Variants in GUCY1A2 observed in about 807,000 individuals in gnomAD.
GUCY1A2 encodes guanylate cyclase soluble subunit alpha-2.
Under a neutral mutation model 63.5 loss-of-function variants are expected in GUCY1A2, and 27 were observed. The observed-to-expected ratio is 0.43, with a 90% confidence interval of 0.31 to 0.59. The LOEUF (loss-of-function observed/expected upper bound fraction) is 0.59. Among genes scored for constraint, GUCY1A2 ranks in the 20% least tolerant of loss-of-function variants. The pLI is 0.11. For synonymous variants in GUCY1A2, 364 were observed against 343.5 expected (o/e 1.06, Z -0.66); for missense variants, 768 against 913.3 (o/e 0.84, Z 2.05).
At chr11:106,909,355 C>CTGTGTGTGTGTGTGTGTGTGTGTG (rs59067320) in intron 4 of GUCY1A2, among the ~76,000 whole-genome samples, 2,082 of 119,926 alleles carry the variant, frequency 0.017, 74 homozygotes, top group South Asian at 0.023. Context: ...TGGTACTCAT[C>CTGTGTGTGTGTGTGTGTGTGTGTG]TGTGTGTGTG....
At chr11:106,902,141 T>C (rs539603077) in intron 4 of GUCY1A2, among the ~76,000 whole-genome samples, 1 of 152,314 alleles carries the variant, frequency 6.6e-6, no homozygotes, top group South Asian at 2.1e-4. Context: ...ACAACATTTA[T>C]CTCCTTGTAC....
At chr11:106,717,282 T>C (rs1863232778) in intron 6 of GUCY1A2, among the ~76,000 whole-genome samples, 1 of 152,178 alleles carries the variant, frequency 6.6e-6, no homozygotes, top group Non-Finnish European at 1.5e-5. Context: ...AATACTTTCT[T>C]AGGTGGGCTG....
At chr11:106,959,765 G>A (rs561607426) in intron 3 of GUCY1A2, among the ~76,000 whole-genome samples, 2 of 152,312 alleles carry the variant, frequency 1.3e-5, no homozygotes, top group Admixed American at 1.3e-4. Context: ...TTTTCCCTCT[G>A]CCCCATCTAC....
intron 3 of GUCY1A2, among the ~76,000 whole-genome samples, chr11:106,960,438 C>T (rs1181133025): frequency 1.3e-5 from 2 of 151,960 alleles, no homozygotes; most frequent in Non-Finnish European, 2.9e-5. Context: ...CCTGAGAAGC[C>T]CAAAATAAAA....
chr11:106,951,208 G>A (rs971305983), intron 3 of GUCY1A2, among the ~76,000 whole-genome samples: 3 of 152,148 alleles, frequency 2.0e-5, no homozygotes, highest in Non-Finnish European at 2.9e-5. Flanking sequence ...ACATACATGT[G>A]CATGTGTCTT....
chr11:106,717,836 T>C, intron 6 of GUCY1A2, among the ~76,000 whole-genome samples: 1 of 152,218 alleles, frequency 6.6e-6, no homozygotes, highest in Admixed American at 6.5e-5. Flanking sequence ...AAGTAAAATT[T>C]CTTTTTACAT....
At chr11:106,728,257 C>A (rs1339115659) in intron 6 of GUCY1A2, among the ~76,000 whole-genome samples, 2 of 152,158 alleles carry the variant, frequency 1.3e-5, no homozygotes, top group Non-Finnish European at 2.9e-5. Context: ...TCGTGTCATA[C>A]AACTTCTCAG....
chr11:106,886,788 T>C (rs997048442), intron 4 of GUCY1A2, among the ~76,000 whole-genome samples: 2 of 152,156 alleles, frequency 1.3e-5, no homozygotes, highest in Non-Finnish European at 2.9e-5. Flanking sequence ...GTCAAAAAGA[T>C]AGTCACCAGA....
At chr11:106,919,404 G>A (rs574138803) in intron 4 of GUCY1A2, among the ~76,000 whole-genome samples, 5 of 152,172 alleles carry the variant, frequency 3.3e-5, no homozygotes, top group South Asian at 4.1e-4. Flanking sequence ...AAGGTATCTT[G>A]GTGAGGTGAT....
intron 6 of GUCY1A2, among the ~76,000 whole-genome samples, chr11:106,727,334 G>A (rs1248139521): frequency 6.6e-6 from 1 of 152,182 alleles, no homozygotes; most frequent in Non-Finnish European, 1.5e-5. Flanking sequence ...CTGTCCTGTG[G>A]GATGCAGCCC....
intron 4 of GUCY1A2, among the ~76,000 whole-genome samples, chr11:106,842,770 T>A (rs1351672780): frequency 6.6e-6 from 1 of 151,844 alleles, no homozygotes; most frequent in African/African-American, 2.4e-5. Flanking sequence ...CCTGTTAGAA[T>A]GTAGATTTTG....
At chr11:106,717,059 T>C (rs1398073468) in intron 6 of GUCY1A2, among the ~76,000 whole-genome samples, 1 of 152,180 alleles carries the variant, frequency 6.6e-6, no homozygotes, top group Admixed American at 6.5e-5. Flanking sequence ...TTTGCAGCTA[T>C]ATCTAGCCTC....
intron 3 of GUCY1A2, among the ~76,000 whole-genome samples, chr11:106,959,766 C>T (rs1861036397): frequency 6.6e-6 from 1 of 152,232 alleles, no homozygotes; most frequent in Non-Finnish European, 1.5e-5. Context: ...TTTCCCTCTG[C>T]CCCATCTACT....
chr11:106,786,702 C>T (rs1864560895), intron 5 of GUCY1A2, among the ~76,000 whole-genome samples: 1 of 152,150 alleles, frequency 6.6e-6, no homozygotes, highest in Non-Finnish European at 1.5e-5. Flanking sequence ...TTCTGACAGT[C>T]CTGTAAGATC....
At chr11:106,742,306 T>C (rs4121519) in intron 6 of GUCY1A2, among the ~76,000 whole-genome samples, 59,905 of 151,908 alleles carry the variant, frequency 0.39, 12,168 homozygotes, top group African/African-American at 0.45. Flanking sequence ...GCCCAGTATC[T>C]ATTAGCTATT....
intron 4 of GUCY1A2, among the ~76,000 whole-genome samples, chr11:106,847,669 A>G (rs888287810): frequency 4.0e-5 from 6 of 151,548 alleles, no homozygotes; most frequent in African/African-American, 1.4e-4. Flanking sequence ...GTAAACTATT[A>G]ATTAAAATTT....
chr11:106,952,726 C>G (rs1271092961), intron 3 of GUCY1A2, among the ~76,000 whole-genome samples: 2 of 151,990 alleles, frequency 1.3e-5, no homozygotes, highest in Non-Finnish European at 2.9e-5. Context: ...CTGAAACCTC[C>G]ACCTCCTGGG....
At chr11:106,827,176 T>A (rs1858982701) in intron 4 of GUCY1A2, 1 of 1,502,858 alleles carries the variant, frequency 6.7e-7, no homozygotes, top group South Asian at 1.1e-5. Context: ...CAAGCCTTCA[T>A]GCCAATCTGG....
intron 4 of GUCY1A2, chr11:106,827,812 C>A: frequency 6.3e-7 from 1 of 1,593,972 alleles, no homozygotes; most frequent in Admixed American, 1.7e-5. Context: ...GCCAACTGCT[C>A]CGCACAAGTG....
Sources: gnomAD v4.1 joint callset for allele counts (sites outside exome capture counted in the v4.1 genomes callset) on GRCh38, gnomAD v4.1.1 for gene constraint, MANE v1.5 for transcripts, NCBI Gene and HGNC (gene_info 2026-07-23, HGNC 2026-07-21) for gene names.